NR4A3: variants seen among roughly 807,000 people sequenced by gnomAD.
NR4A3 encodes nuclear receptor subfamily 4 group A member 3.
In NR4A3, 13 loss-of-function variants were observed where a neutral mutation model predicts 55.6. The ratio of observed to expected loss-of-function variants is 0.23; its 90% CI spans 0.15 to 0.37. The LOEUF (loss-of-function observed/expected upper bound fraction) is 0.37. Ranked by LOEUF, NR4A3 falls within the 10% of genes least tolerant of loss-of-function variation. The pLI, the probability that NR4A3 is intolerant of heterozygous loss-of-function variation, is 1.00. For synonymous variants in NR4A3, 342 were observed against 357.9 expected (o/e 0.96, Z 0.50); for missense variants, 646 against 822.8 (o/e 0.79, Z 2.63).
intron 5 of NR4A3, among the ~76,000 whole-genome samples, chr9:99,835,217 A>G (rs1587877148): frequency 6.6e-6 from 1 of 152,350 alleles, no homozygotes; most frequent in East Asian, 1.9e-4. Flanking sequence ...GAGCATGAAC[A>G]CTACATTAGG....
Position 99,844,714 on chromosome 9 carries a change from C to A in NR4A3, c.1320C>A (p.Leu440=). 1 of 1,614,202 alleles carries A rather than the reference C, an allele frequency of 6.2e-7. No homozygotes were observed. Among genetic ancestry groups the A allele is most frequent in the East Asian group, 2.2e-5 (1 of 44,878 alleles). ...AGCATGTGCAACAATTCTACAACCTCCTGACAGCCTCCATTGATGTATCCA... is the reference window on the plus strand; with the variant it reads ...AGCATGTGCAACAATTCTACAACCTACTGACAGCCTCCATTGATGTATCCA... ...DAEHVQQFYN[L]LTASIDVSRS... Residue 440 remains leucine (L), a synonymous_variant, in exon 6 of 8, where the codon CTC becomes CTA. Transcript: ENST00000395097.
chr9:99,863,822 A>G lies in NR4A3; in HGVS notation c.1836A>G (p.Pro612=). 2 of 1,613,868 alleles carry G rather than the reference A, an allele frequency of 1.2e-6. No individual in the cohort carries two copies. Among genetic ancestry groups the G allele is most frequent in the Non-Finnish European group, 1.7e-6 (2 of 1,179,924 alleles). ...TGAAGCTGGAAGACTTGGTGTCTCC[A>G]CCTTCCATCATTGACAAGCTCTTCC... ...FYLKLEDLVS[P]PSIIDKLFLD... Residue 612 remains proline (P), a synonymous_variant, in exon 8 of 8, where the codon CCA becomes CCG. Coordinates refer to ENST00000395097, the MANE Select transcript of NR4A3 (RefSeq NM_006981.4).
Position 99,850,101 on chromosome 9 carries a change from T to C in NR4A3, c.1633+2486T>C, listed in dbSNP as rs1587884760. 2.0e-5 allele frequency among the ~76,000 whole-genome samples: 3 copies of C among 152,164 alleles called. No homozygotes were observed. The East Asian group carries it at 5.8e-4, about 29-fold the overall frequency. On this transcript the variant is annotated intron_variant, in intron 7 of 7. Transcript: ENST00000395097. ...AAATTGGAGTGACAGGAGATGTGAC[T>C]GGTCTGATAGGTCAGGGTGGGGCGG... is the stretch of plus-strand genomic sequence containing the variant.
chr9:99,828,091 T>C lies in NR4A3; in HGVS notation c.49T>C (p.Tyr17His). The change falls in exon 3 of 8, where the codon TAT becomes CAT. Residue 17 changes from tyrosine to histidine, a missense_variant. This residue lies in a region of NR4A3 where 426 missense variants were observed against 429.4 expected (regional missense o/e 0.99). Transcript: ENST00000395097. The surrounding 1 kb of genome is among the most constrained non-coding windows in gnomAD (Gnocchi z 7.7). ...TAGCCCTTCCCCTCCAGGTTCCAGT[T>C]ATGCGGCGCAGACATACAGCTCGGA... is the stretch of plus-strand genomic sequence containing the variant. Reference protein sequence around the residue: ...QYSPSPPGSSYAAQTYSSEYT... With the variant: ...QYSPSPPGSSHAAQTYSSEYT... 1 of 1,614,024 alleles carries C rather than the reference T, an allele frequency of 6.2e-7. No individual in the cohort carries two copies. The highest frequency in any genetic ancestry group is 1.3e-5 in the African/African-American group (1 of 74,984).
chr9:99,855,870 C>A (rs1449076403), intron 7 of NR4A3, among the ~76,000 whole-genome samples: 1 of 152,238 alleles, frequency 6.6e-6, no homozygotes, highest in African/African-American at 2.4e-5. Context: ...TTTGCCCTAA[C>A]ACCTGCTCAG....
rs1443870782 is a variant in NR4A3 at position 99,858,665 on chromosome 9, A to AT, written c.1634-4954dup. Among the ~76,000 whole-genome samples, 8 of 152,380 alleles carry AT rather than the reference A, an allele frequency of 5.3e-5. No homozygotes were observed. In the East Asian group the frequency reaches 1.3e-3, roughly 26 times the overall value. The stretch of plus-strand genomic sequence containing the variant: ...TTAGAGATGTCCAGAGATGGAAGAC[A>AT]TCTTGTTATAAGAGAAATATCTCTG... On this transcript the variant is annotated intron_variant, in intron 7 of 7. Transcript: ENST00000395097.
chr9:99,842,108 A>ATT (rs10626492), intron 5 of NR4A3, among the ~76,000 whole-genome samples: 46,519 of 135,746 alleles, frequency 0.34, 7,848 homozygotes, highest in Middle Eastern at 0.38. Flanking sequence ...GGACTCTCTG[A>ATT]TTTTTTTTTT....
chr9:99,832,623 C>T (rs1827466293), intron 3 of NR4A3, 66 bp from the exon 4 acceptor site: 1 of 1,262,762 alleles, frequency 7.9e-7, no homozygotes, highest in African/African-American at 1.5e-5. Flanking sequence ...AATTAAAATA[C>T]ATCTTGTCAG....
chr9:99,846,916 G>A (rs1206910858), intron 6 of NR4A3, among the ~76,000 whole-genome samples: 1 of 152,228 alleles, frequency 6.6e-6, no homozygotes, highest in African/African-American at 2.4e-5. Flanking sequence ...CCAAAGTGCT[G>A]GGCTTGCAGG....
In NR4A3 at chr9:99,864,289, TGTC is replaced by T. The variant is rs1828056418; in HGVS notation, c.*423_*425del. On this transcript the variant is annotated 3_prime_UTR_variant, in exon 8 of 8. Transcript: ENST00000395097. ...AAGGGTTGTTCGCCAGGGTAGGATG[TGTC>T]TTAAAGATTGGTCCCTTGAAAATAT... The T allele has an allele frequency of 4.2e-6, 1 of 238,294 alleles. No homozygotes were observed. Among genetic ancestry groups the T allele is most frequent in the African/African-American group, 2.2e-5 (1 of 45,290 alleles). 14.8% of individuals were successfully genotyped at this position (238,294 alleles called of 1,614,324 possible).
At chr9:99,863,520 C>T in intron 7 of NR4A3, 100 bp from the exon 8 acceptor site, 1 of 1,430,016 alleles carries the variant, frequency 7.0e-7, no homozygotes, top group African/African-American at 1.4e-5. Flanking sequence ...AAGAAGCTAT[C>T]CAAACTGGCA....
At chr9:99,845,270 A>G (rs1053116367) in intron 6 of NR4A3, among the ~76,000 whole-genome samples, 2 of 152,180 alleles carry the variant, frequency 1.3e-5, no homozygotes, top group African/African-American at 4.8e-5. Context: ...CTGTTTAACA[A>G]GTTACTATTC....
Position 99,828,530 on chromosome 9 carries a change from C to T in NR4A3, c.488C>T (p.Ala163Val), listed in dbSNP as rs1328319674. ...GALWDEALPS[A>V]PGCIAPGPLL... ...TTATGGGACGAGGCACTGCCCTCGGCGCCCGGCTGCATCGCACCCGGCCCG... is the reference window on the plus strand; with the variant it reads ...TTATGGGACGAGGCACTGCCCTCGGTGCCCGGCTGCATCGCACCCGGCCCG... Residue 163 changes from alanine to valine, a missense_variant, in exon 3 of 8, where the codon GCG becomes GTG. Around this residue, in one of 5 missense-constraint regions of NR4A3, gnomAD observed 426 missense variants for 429.4 expected, o/e 0.99. Transcript: ENST00000395097. The surrounding 1 kb of genome is among the most constrained non-coding windows in gnomAD (Gnocchi z 7.7). 2 of 1,572,596 alleles carry T rather than the reference C, an allele frequency of 1.3e-6. No homozygotes were observed. Among genetic ancestry groups the T allele is most frequent in the Non-Finnish European group, 8.6e-7 (1 of 1,164,926 alleles).
chr9:99,864,160 G>A lies in NR4A3; in HGVS notation c.*293G>A. ...AGAAATTGCTAACAAAGCACTTTTGGACAATGCTATCCCAGCAGGAAAAAA... is the reference window on the plus strand; with the variant it reads ...AGAAATTGCTAACAAAGCACTTTTGAACAATGCTATCCCAGCAGGAAAAAA... On this transcript the variant is annotated 3_prime_UTR_variant, in exon 8 of 8. Coordinates refer to ENST00000395097, the MANE Select transcript of NR4A3 (RefSeq NM_006981.4). The A allele has an allele frequency of 2.9e-6, 1 of 350,818 alleles. No individual in the cohort carries two copies. The highest frequency in any genetic ancestry group is 5.2e-6 in the Non-Finnish European group (1 of 191,442). The allele number at this position is 350,818 out of a possible 1,614,324, so 21.7% of individuals were successfully genotyped here.
intron 7 of NR4A3, among the ~76,000 whole-genome samples, chr9:99,851,478 C>T (rs927226553): frequency 2.0e-5 from 3 of 152,114 alleles, no homozygotes; most frequent in Non-Finnish European, 4.4e-5. Flanking sequence ...TTTAACTAGG[C>T]TTGCTTCCAG....
Position 99,860,107 on chromosome 9 carries a change from A to G in NR4A3, c.1634-3513A>G, listed in dbSNP as rs1292457030. Among the ~76,000 whole-genome samples, 3 of 152,188 alleles carry G rather than the reference A, an allele frequency of 2.0e-5. No individual in the cohort carries two copies. The East Asian group carries it at 5.8e-4, about 29-fold the overall frequency. On this transcript the variant is annotated intron_variant, in intron 7 of 7. Transcript: ENST00000395097. The stretch of plus-strand genomic sequence containing the variant: ...ATCCCAAAACCCCATAGGTATTTTC[A>G]CGTTTATATTTTCTTTCACCCTTCT...
chr9:99,828,476 C>T lies in NR4A3; in HGVS notation c.434C>T (p.Thr145Met), dbSNP rs779838192. The T allele has an allele frequency of 1.3e-6, 2 of 1,576,264 alleles. No homozygotes were observed. Among genetic ancestry groups the T allele is most frequent in the Non-Finnish European group, 8.6e-7 (1 of 1,162,776 alleles). The change falls in exon 3 of 8, where the codon ACG (threonine) becomes ATG (methionine). Residue 145 changes from threonine (T) to methionine (M), a missense_variant. Around this residue, in one of 5 missense-constraint regions of NR4A3, gnomAD observed 426 missense variants for 429.4 expected, o/e 0.99. Transcript: ENST00000395097. This position sits in a 1 kb window ranked among gnomAD's most constrained non-coding sequence, Gnocchi z 7.7. ...FKQSPPSTPT[T>M]PAFPPQAGAL... ...CAGTCCCCACCGTCCACCCCCACCA[C>T]GCCGGCCTTCCCCCCGCAGGCGGGG...
At chr9:99,826,466 A>G (rs979449612) in intron 2 of NR4A3, among the ~76,000 whole-genome samples, 1 of 152,238 alleles carries the variant, frequency 6.6e-6, no homozygotes, top group Non-Finnish European at 1.5e-5. Flanking sequence ...AGAAAGACAC[A>G]AATAAGAGCA....
Position 99,834,689 on chromosome 9 carries a change from T to C in NR4A3, c.1254+1235T>C, listed in dbSNP as rs555940690. ...AGTGTGTCCCTGCTATGTGCCCTTC[T>C]CCTTAGGTTGCAGTGTTGATAGAAA... is the stretch of plus-strand genomic sequence containing the variant. On this transcript the variant is annotated intron_variant, in intron 5 of 7. Coordinates refer to ENST00000395097, the MANE Select transcript of NR4A3 (RefSeq NM_006981.4). The C allele has an allele frequency of 3.8e-5, 21 of 546,382 alleles. No individual in the cohort carries two copies. The Admixed American group carries it at 1.3e-3, about 35-fold the overall frequency. The allele number at this position is 546,382 out of a possible 1,614,324, so 33.8% of individuals were successfully genotyped here. A position where few individuals can be genotyped will look rare whatever the true frequency, so the allele number is the denominator to read the frequency against.
Sources: allele counts gnomAD v4.1 joint callset (sites outside exome capture counted in the v4.1 genomes callset), GRCh38; gene constraint gnomAD v4.1.1; regional missense constraint gnomAD v4.1.1; non-coding constraint Gnocchi (gnomAD v3.1); transcripts MANE v1.5; gene names NCBI Gene and HGNC (gene_info 2026-07-23, HGNC 2026-07-21).